TBL1Y: variants seen among roughly 807,000 people sequenced by gnomAD.
TBL1Y encodes transducin beta like 1 Y-linked.
TBL1Y carries 15 observed loss-of-function variants against 12.0 expected under a neutral mutation model. The observed-to-expected ratio is 1.25, with a 90% CI of 0.83 to 1.92. TBL1Y has a LOEUF of 1.92. Among genes scored for constraint, TBL1Y ranks in the 40% most tolerant of loss-of-function variants. TBL1Y has a pLI of 0.00. For synonymous variants in TBL1Y, 53 were observed against 42.6 expected (o/e 1.24, Z -0.95); for missense variants, 148 against 116.7 (o/e 1.27, Z -1.24).
chrY:7,004,426 C>A, intron 4 of TBL1Y, among the ~76,000 whole-genome samples: 2 of 33,877 alleles, frequency 5.9e-5, no homozygotes, highest in African/African-American at 2.3e-4. Context: ...CGGTCATAAC[C>A]ATTTTGATCT....
chrY:7,062,209 G>C, intron 7 of TBL1Y, among the ~76,000 whole-genome samples: 10 of 32,868 alleles, frequency 3.0e-4, no homozygotes, highest in Admixed American at 2.7e-3. Flanking sequence ...TGGCTCCTCT[G>C]ATTTTTCATT....
intron 2 of TBL1Y, among the ~76,000 whole-genome samples, chrY:6,937,302 G>A: frequency 3.0e-5 from 1 of 33,825 alleles, no homozygotes; most frequent in Non-Finnish European, 7.3e-5. Flanking sequence ...TGGGCACTTT[G>A]GCTCATGCCT....
At chrY:6,941,910 C>G in intron 2 of TBL1Y, among the ~76,000 whole-genome samples, 1 of 33,368 alleles carries the variant, frequency 3.0e-5, no homozygotes, top group African/African-American at 1.2e-4. Context: ...AGTCCCAGCA[C>G]TTTGGGAGGC....
intron 4 of TBL1Y, among the ~76,000 whole-genome samples, chrY:7,001,555 C>T: frequency 3.1e-5 from 1 of 31,875 alleles, no homozygotes. Flanking sequence ...GGAGGCGGAG[C>T]TTGCAGTGAG....
At chrY:6,920,122 A>G (rs763508658) in intron 2 of TBL1Y, 1 of 33,733 alleles carries the variant, frequency 3.0e-5, no homozygotes, top group African/African-American at 1.2e-4. Context: ...TAATGTGTGT[A>G]AGAAACCACA....
At chrY:6,968,424 G>A in intron 2 of TBL1Y, among the ~76,000 whole-genome samples, 1 of 33,782 alleles carries the variant, frequency 3.0e-5, no homozygotes, top group Non-Finnish European at 7.3e-5. Flanking sequence ...CCACTGGATT[G>A]TACATTCAAA....
intron 7 of TBL1Y, among the ~76,000 whole-genome samples, chrY:7,056,258 T>C (rs2012823936): frequency 2.9e-5 from 1 of 33,972 alleles, no homozygotes; most frequent in African/African-American, 1.2e-4. Flanking sequence ...CAAGTGCCTA[T>C]TTTATTAAAT....
intron 6 of TBL1Y, among the ~76,000 whole-genome samples, chrY:7,026,084 A>G (rs553254783): frequency 3.0e-5 from 1 of 33,117 alleles, no homozygotes; most frequent in African/African-American, 1.2e-4. Context: ...AGTCTGAGTG[A>G]GGCCTGTTCA....
At chrY:7,079,149 C>G in intron 13 of TBL1Y, among the ~76,000 whole-genome samples, 1 of 34,148 alleles carries the variant, frequency 2.9e-5, no homozygotes, top group Admixed American at 2.7e-4. Flanking sequence ...CTTCCACACC[C>G]CCAGCTCATT....
intron 3 of TBL1Y, among the ~76,000 whole-genome samples, chrY:6,978,991 G>A: frequency 6.2e-5 from 2 of 32,318 alleles, no homozygotes; most frequent in Non-Finnish European, 1.5e-4. Flanking sequence ...CTGGAGTGTA[G>A]TGGCATGATA....
chrY:6,971,241 G>A, intron 2 of TBL1Y, among the ~76,000 whole-genome samples: 1 of 33,735 alleles, frequency 3.0e-5, no homozygotes, highest in African/African-American at 1.2e-4. Context: ...CACATTTCTT[G>A]TCAAAATTAA....
chrY:7,031,056 A>G (rs779203430), intron 6 of TBL1Y, among the ~76,000 whole-genome samples: 1 of 33,445 alleles, frequency 3.0e-5, no homozygotes, highest in South Asian at 6.9e-4. Flanking sequence ...GATAGGATAG[A>G]TTGATTAGAT....
At chrY:6,957,249 G>T in intron 2 of TBL1Y, among the ~76,000 whole-genome samples, 1 of 34,665 alleles carries the variant, frequency 2.9e-5, no homozygotes, top group South Asian at 6.4e-4. Flanking sequence ...TGGTCCTCCA[G>T]TTGACCAGGC....
At chrY:6,951,961 C>A (rs1603028723) in intron 2 of TBL1Y, among the ~76,000 whole-genome samples, 1 of 33,541 alleles carries the variant, frequency 3.0e-5, no homozygotes, top group African/African-American at 1.2e-4. Context: ...GCAGGTTGTT[C>A]TGTTTCCATG....
chrY:7,068,964 G>A (rs1603048860), intron 8 of TBL1Y, among the ~76,000 whole-genome samples: 1 of 27,937 alleles, frequency 3.6e-5, no homozygotes, highest in East Asian at 9.5e-4. Flanking sequence ...TCACTGTTAC[G>A]TAACTTTTTT....
At chrY:6,915,572 T>G (rs779038212) in intron 2 of TBL1Y, among the ~76,000 whole-genome samples, 1 of 34,103 alleles carries the variant, frequency 2.9e-5, no homozygotes, top group African/African-American at 1.1e-4. Context: ...CCATTTGTTC[T>G]TTCTTTGGTG....
At chrY:6,994,749 G>A in intron 3 of TBL1Y, among the ~76,000 whole-genome samples, 1 of 33,648 alleles carries the variant, frequency 3.0e-5, no homozygotes, top group South Asian at 6.8e-4. Context: ...ACAGCACATG[G>A]AGGGAGACAG....
chrY:7,007,535 C>G (rs2012495502), intron 4 of TBL1Y, among the ~76,000 whole-genome samples: 1 of 32,932 alleles, frequency 3.0e-5, no homozygotes, highest in Admixed American at 2.8e-4. Flanking sequence ...TCACTGCAAT[C>G]TCCCTTCCAG....
chrY:6,911,799 A>G (rs2011697902), intron 1 of TBL1Y, among the ~76,000 whole-genome samples: 1 of 34,028 alleles, frequency 2.9e-5, no homozygotes, highest in Admixed American at 2.6e-4. Context: ...ATCGCCGGAT[A>G]TGTGACAACT....
Sources: gnomAD v4.1 joint callset for allele counts (sites outside exome capture counted in the v4.1 genomes callset) on GRCh38, gnomAD v4.1.1 for gene constraint, MANE v1.5 for transcripts, NCBI Gene and HGNC (gene_info 2026-07-23, HGNC 2026-07-21) for gene names.